The following FAHD2A variants were observed in gnomAD, a reference collection of about 807,000 sequenced individuals.
FAHD2A encodes oxaloacetate tautomerase FAHD2A, mitochondrial.
A neutral mutation model predicts 33.4 loss-of-function variants in FAHD2A; 27 were observed. The ratio of observed to expected loss-of-function variants is 0.81; its 90% CI spans 0.60 to 1.11. The LOEUF is 1.11. Ranked by LOEUF, FAHD2A falls within the 50% of genes most tolerant of loss-of-function variation. The pLI, the probability that FAHD2A is intolerant of heterozygous loss-of-function variation, is 0.00. For missense variants in FAHD2A, 296 were observed against 395.0 expected, an observed-to-expected ratio of 0.75 and a Z score of 2.12; for synonymous variants, 130 against 153.3, an observed-to-expected ratio of 0.85 and a Z score of 1.12.
At chr2:95,412,834 C>T (rs1271512284) in intron 7 of FAHD2A, 61 bp from the exon 8 acceptor site, 17 of 1,614,094 alleles carry the variant, frequency 1.1e-5, no homozygotes, top group Non-Finnish European at 1.4e-5. Flanking sequence ...TTGAGAAGTA[C>T]AGGCTTGTGT....
Position 95,415,398 on chromosome 2 carries a change from G to A in FAHD2A, c.*2441G>A, listed in dbSNP as rs935577556. ...GCCAACAACAACAGAACAGGGTGGA[G>A]TGAGTGGAAAGCAAATGAAATGTTA... On this transcript the variant is annotated 3_prime_UTR_variant, in exon 8 of 8. Transcript: ENST00000233379. The A allele has an allele frequency of 5.3e-5, 8 of 151,354 alleles. No homozygotes were observed. Among genetic ancestry groups the A allele is most frequent in the Admixed American group, 4.6e-4 (7 of 15,188 alleles). The allele number at this position is 151,354 out of a possible 1,614,324, so 9.4% of individuals were successfully genotyped here. A position where few individuals can be genotyped will look rare whatever the true frequency, so the allele number is the denominator to read the frequency against.
At position 95,414,972 on chromosome 2, in the gene FAHD2A, C is replaced by T. The variant is rs1683014974; in HGVS notation, c.*2015C>T. 1.3e-5 allele frequency: 2 copies of T among 152,180 alleles called. No homozygotes were observed. Among genetic ancestry groups the T allele is most frequent in the African/African-American group, 4.8e-5 (2 of 41,386 alleles). 9.4% of individuals were successfully genotyped at this position (152,180 alleles called of 1,614,324 possible). On this transcript the variant is annotated 3_prime_UTR_variant, in exon 8 of 8. Coordinates refer to ENST00000233379, the MANE Select transcript of FAHD2A (RefSeq NM_016044.3). ...ATTAAACAAAGGTAGAGACGGAGCC[C>T]TCCACCCCTCTCACACACTCATCCT...
chr2:95,417,662 A>G (rs1283624912), downstream of FAHD2A, among the ~76,000 whole-genome samples: 1 of 152,094 alleles, frequency 6.6e-6, no homozygotes, highest in Admixed American at 6.5e-5. Context: ...CATGCTGCTG[A>G]AGGGAACAAC....
chr2:95,404,417 C>T (rs544225850), intron 1 of FAHD2A, among the ~76,000 whole-genome samples: 1 of 152,214 alleles, frequency 6.6e-6, no homozygotes, highest in South Asian at 2.1e-4. Context: ...TCTCAGCCTC[C>T]CTAGTAGCTG....
At chr2:95,411,087 G>C (rs1449857372) in intron 5 of FAHD2A, 61 bp downstream of exon 5, 1 of 1,595,882 alleles carries the variant, frequency 6.3e-7, no homozygotes, top group Non-Finnish European at 8.5e-7. Flanking sequence ...GCGCTTCAGG[G>C]AGGAGCATGG....
At chr2:95,412,642 C>A in intron 6 of FAHD2A, 35 bp from the exon 7 acceptor site, 1 of 1,613,856 alleles carries the variant, frequency 6.2e-7, no homozygotes. Context: ...CTCAGCCAGC[C>A]CCTGGTCTCA....
At chr2:95,406,895 C>T (rs1403041962) in intron 2 of FAHD2A, 46 bp from the exon 3 acceptor site, 1 of 1,548,354 alleles carries the variant, frequency 6.5e-7, no homozygotes, top group Non-Finnish European at 8.8e-7. Context: ...CCGGGATTGC[C>T]CACCTGTTCC....
rs533293634 is a variant in FAHD2A, at chr2:95,406,675, A to G, written c.246-266A>G. ...CGGGGTAACCGGAAGGGGAAAGGGA[A>G]ACCTTTCCATGTATTCCAGTTTGTA... On this transcript the variant is annotated intron_variant, in intron 2 of 7. Coordinates refer to ENST00000233379, the MANE Select transcript of FAHD2A (RefSeq NM_016044.3). 1.0e-3 allele frequency among the ~76,000 whole-genome samples: 158 copies of G among 152,272 alleles called. 1 individual carries two copies. Among genetic ancestry groups the G allele is most frequent in the African/African-American group, 3.2e-3 (135 of 41,564 alleles).
rs1359886614 is a variant in FAHD2A at position 95,411,029 on chromosome 2, AGGTCCCT to A, written c.685+12_685+18del. 6.2e-7 allele frequency: 1 copy of A among 1,613,900 alleles called. No homozygotes were observed. Among genetic ancestry groups the A allele is most frequent in the South Asian group, 1.1e-5 (1 of 91,072 alleles). On this transcript the variant is annotated splice_donor_5th_base_variant and intron_variant, in intron 5 of 7. Transcript: ENST00000233379. ...GGTGACCAAGGACAGTGTAGCAGGTAGGTCCCTGGTCCCTGCCCCCTTATACCTACCA... is the reference window on the plus strand; with the variant it reads ...GGTGACCAAGGACAGTGTAGCAGGTAGGTCCCTGCCCCCTTATACCTACCA...
chr2:95,410,475 G>A, intron 3 of FAHD2A, 52 bp from the exon 4 acceptor site: 3 of 1,573,066 alleles, frequency 1.9e-6, no homozygotes, highest in Non-Finnish European at 1.7e-6. Flanking sequence ...TCTCAGCATG[G>A]ACAGTGGGCC....
intron 1 of FAHD2A, chr2:95,403,110 G>T (rs1680981745): frequency 6.6e-6 from 1 of 152,344 alleles, no homozygotes; most frequent in African/African-American, 2.4e-5. Context: ...CCATGTCTCA[G>T]GCTTTGTTTG....
chr2:95,411,244 A>C (rs1412221913), intron 5 of FAHD2A, among the ~76,000 whole-genome samples: 1 of 152,214 alleles, frequency 6.6e-6, no homozygotes, highest in Non-Finnish European at 1.5e-5. Context: ...GAGGATGTGA[A>C]ACTGCATGCG....
rs1255596821 is a variant in FAHD2A, at chr2:95,414,489, C to T, written c.*1532C>T. The T allele has an allele frequency of 4.4e-6, 2 of 459,214 alleles. No homozygotes were observed. Among genetic ancestry groups the T allele is most frequent in the Admixed American group, 6.9e-5 (2 of 29,048 alleles). 28.4% of individuals were successfully genotyped at this position (459,214 alleles called of 1,614,324 possible). On this transcript the variant is annotated 3_prime_UTR_variant, in exon 8 of 8. Transcript: ENST00000233379. ...TCTGTTTTTGTTTTCCTGAATCAGA[C>T]TTAGTCTCCCTCCATTCTCCCGTCC...
In FAHD2A at chr2:95,413,593, G is replaced by A. The variant is rs1450172099; in HGVS notation, c.*636G>A. The A allele has an allele frequency of 6.5e-7, 1 of 1,535,758 alleles. No individual in the cohort carries two copies. Among genetic ancestry groups the A allele is most frequent in the African/African-American group, 1.4e-5 (1 of 72,610 alleles). On this transcript the variant is annotated 3_prime_UTR_variant, in exon 8 of 8. Coordinates refer to ENST00000233379, the MANE Select transcript of FAHD2A (RefSeq NM_016044.3). ...CTGGGCCATGGAAGATGGGCCGTGA[G>A]TGCACTCACCACAGGGACTGTGTCC...
chr2:95,404,070 T>C (rs1681139278), intron 1 of FAHD2A, among the ~76,000 whole-genome samples: 1 of 152,170 alleles, frequency 6.6e-6, no homozygotes, highest in African/African-American at 2.4e-5. Flanking sequence ...ACAAGGCAGA[T>C]TGAATCTCCA....
At chr2:95,405,324 C>T (rs1416948947) in intron 1 of FAHD2A, 14 of 502,296 alleles carry the variant, frequency 2.8e-5, no homozygotes, top group Middle Eastern at 5.1e-4. Context: ...GTTGAAGGAA[C>T]GCTGGAATCC....
chr2:95,405,599 T>G lies in FAHD2A; in HGVS notation c.41T>G (p.Leu14Arg). 1 of 1,614,014 alleles carries G rather than the reference T, an allele frequency of 6.2e-7. No homozygotes were observed. Among genetic ancestry groups the G allele is most frequent in the Middle Eastern group, 1.7e-4 (1 of 6,060 alleles). The part of the protein sequence containing the change: ...SGRRRLLTVL[L>R]QAQKWPFQPS... Reference sequence around the variant, plus strand: ...AGAAGAAGGTTACTCACAGTTCTGCTGCAGGCTCAGAAGTGGCCCTTTCAA... The same window carrying G: ...AGAAGAAGGTTACTCACAGTTCTGCGGCAGGCTCAGAAGTGGCCCTTTCAA... Residue 14 changes from leucine (L) to arginine (R), a missense_variant, in exon 2 of 8, where the codon CTG (leucine) becomes CGG (arginine). Transcript: ENST00000233379.
At chr2:95,407,178 C>G (rs762716942) in intron 3 of FAHD2A, 21 bp downstream of exon 3, 78 of 1,611,798 alleles carry the variant, frequency 4.8e-5, no homozygotes, top group Non-Finnish European at 6.2e-5. Context: ...CCCCACTGCC[C>G]TCCCTAGTCA....
intron 3 of FAHD2A, 100 bp downstream of exon 3, chr2:95,407,257 G>A (rs942320186): frequency 2.6e-5 from 39 of 1,521,002 alleles, no homozygotes; most frequent in South Asian, 8.6e-5. Flanking sequence ...GCTCAATAGC[G>A]CATTCAGCAG....
Sources: gnomAD v4.1 joint callset for allele counts (sites outside exome capture counted in the v4.1 genomes callset) on GRCh38, gnomAD v4.1.1 for gene constraint, MANE v1.5 for transcripts, NCBI Gene and HGNC (gene_info 2026-07-23, HGNC 2026-07-21) for gene names.